Variants in SMYD2 observed in about 807,000 individuals in gnomAD.
SMYD2 encodes N-lysine methyltransferase SMYD2.
SMYD2 carries 53 observed loss-of-function variants against 59.1 expected under a neutral mutation model. The ratio of observed to expected loss-of-function variants is 0.90; its 90% CI spans 0.72 to 1.13. SMYD2 has a LOEUF of 1.13. SMYD2 is among the 50% of genes most tolerant of loss of function. The probability of loss-of-function intolerance (pLI) is 0.00; values close to 1 mark genes in which losing one functional copy is unlikely to be tolerated. For synonymous variants in SMYD2, 208 were observed against 198.8 expected, an observed-to-expected ratio of 1.05 and a Z score of -0.39; for missense variants, 494 against 544.7, an observed-to-expected ratio of 0.91 and a Z score of 0.93.
Position 214,318,792 on chromosome 1 carries a change from C to CA in SMYD2, c.410-62dup. ...TTCCTTTCCTCTGTATCATTTACAG[C>CA]AAAAATAGGATGTAGCTAGAAATCC... On this transcript the variant is annotated intron_variant, in intron 4 of 11. Coordinates refer to ENST00000366957, the MANE Select transcript of SMYD2 (RefSeq NM_020197.3). This position sits in a 1 kb window ranked among gnomAD's most constrained non-coding sequence, Gnocchi z 5.4. 6.4e-7 allele frequency: 1 copy of CA among 1,564,734 alleles called. No individual in the cohort carries two copies. The highest frequency in any genetic ancestry group is 8.7e-7 in the Non-Finnish European group (1 of 1,153,162).
chr1:214,319,798 A>C (rs1278735233), intron 5 of SMYD2, among the ~76,000 whole-genome samples: 1 of 152,198 alleles, frequency 6.6e-6, no homozygotes, highest in Non-Finnish European at 1.5e-5. Flanking sequence ...TGACCTTCCC[A>C]GGTAGAGAAA....
At chr1:214,336,577 C>A in intron 11 of SMYD2, 127 bp from the exon 12 acceptor site, 2 of 665,984 alleles carry the variant, frequency 3.0e-6, no homozygotes, top group South Asian at 2.1e-5. Context: ...TGGTGGAGAA[C>A]ATAGGCTCTA....
intron 1 of SMYD2, among the ~76,000 whole-genome samples, chr1:214,289,812 T>A (rs749267453): frequency 5.3e-5 from 8 of 152,232 alleles, no homozygotes; most frequent in Non-Finnish European, 1.2e-4. Flanking sequence ...TTCCTCCTGA[T>A]GAGTGGCCTG....
In SMYD2 at chr1:214,305,276, G is replaced by A. The variant is rs1656898747; in HGVS notation, c.237+26G>A. On this transcript the variant is annotated intron_variant, in intron 2 of 11. Transcript: ENST00000366957. Reference sequence around the variant, plus strand: ...GTAGGTGCTGGGCCATTGGCAGGGAGGGCCTAATTTCCTCTGAAGTCCTCC... The same window carrying A: ...GTAGGTGCTGGGCCATTGGCAGGGAAGGCCTAATTTCCTCTGAAGTCCTCC... 8.7e-6 allele frequency: 14 copies of A among 1,608,922 alleles called. No individual in the cohort carries two copies. The African/African-American group carries it at 1.3e-4, about 15-fold the overall frequency.
chr1:214,324,444 A>G (rs1657229059), intron 5 of SMYD2, among the ~76,000 whole-genome samples, 197 bp from the exon 6 acceptor site: 1 of 138,594 alleles, frequency 7.2e-6, no homozygotes, highest in African/African-American at 2.6e-5. Context: ...GATGCATCAC[A>G]ATTCTGCTTG....
At chr1:214,288,306 C>T (rs1458961284) in intron 1 of SMYD2, among the ~76,000 whole-genome samples, 1 of 152,208 alleles carries the variant, frequency 6.6e-6, no homozygotes, top group Non-Finnish European at 1.5e-5. Flanking sequence ...TTCCATTTTA[C>T]ATAGAAAGAA....
At chr1:214,299,465 T>TATATATATA (rs1553254476) in intron 1 of SMYD2, among the ~76,000 whole-genome samples, 2 of 71,590 alleles carry the variant, frequency 2.8e-5, no homozygotes, top group Non-Finnish European at 5.9e-5. Flanking sequence ...AAAGAAAACA[T>TATATATATA]TATATATATA....
At chr1:214,331,717 A>T in intron 9 of SMYD2, 1 of 273,478 alleles carries the variant, frequency 3.7e-6, no homozygotes. Flanking sequence ...CAGGGTTCCA[A>T]CTTGGGTGAG....
rs780319511 is a variant in SMYD2 at position 214,334,308 on chromosome 1, G to A, written c.1221G>A (p.Lys407=). Residue 407 remains lysine (K), a splice_region_variant and synonymous_variant, in exon 11 of 12, where the codon AAG becomes AAA. Coordinates refer to ENST00000366957, the MANE Select transcript of SMYD2 (RefSeq NM_020197.3). ...CCGCAGGGGAGAAAGCCCTGAAGAA[G>A]GTATGTCTGTAACTCGGCCTTAGGA... ...HKAAGEKALK[K]AIAIMEVAHG... is the part of the protein sequence containing the mutation. 1 of 1,612,970 alleles carries A rather than the reference G, an allele frequency of 6.2e-7. No homozygotes were observed. The highest frequency in any genetic ancestry group is 8.5e-7 in the Non-Finnish European group (1 of 1,179,894).
intron 1 of SMYD2, among the ~76,000 whole-genome samples, chr1:214,289,197 T>G (rs1245466822): frequency 6.6e-6 from 1 of 152,132 alleles, no homozygotes; most frequent in Non-Finnish European, 1.5e-5. Flanking sequence ...TCAGAATTGG[T>G]GAGAATTCAG....
chr1:214,336,183 T>C (rs1014462370), intron 11 of SMYD2, among the ~76,000 whole-genome samples: 3 of 152,086 alleles, frequency 2.0e-5, no homozygotes, highest in African/African-American at 7.2e-5. Flanking sequence ...GCAGAATGTT[T>C]TACCTAGCAG....
At chr1:214,334,386 C>A in intron 11 of SMYD2, 78 bp downstream of exon 11, 2 of 1,295,006 alleles carry the variant, frequency 1.5e-6, no homozygotes, top group Non-Finnish European at 2.2e-6. Flanking sequence ...CCTCACCAGG[C>A]TGAATGGCTG....
chr1:214,287,353 G>A (rs12746638), intron 1 of SMYD2, among the ~76,000 whole-genome samples: 2 of 151,700 alleles, frequency 1.3e-5, no homozygotes, highest in Admixed American at 6.6e-5. Context: ...TTGGGAAGCC[G>A]AGGCGGGCGG....
chr1:214,283,280 C>T (rs962041617), intron 1 of SMYD2, among the ~76,000 whole-genome samples: 1 of 152,298 alleles, frequency 6.6e-6, no homozygotes, highest in Admixed American at 6.5e-5. Context: ...AGTTTGCTGC[C>T]TCTTTTGTTG....
intron 1 of SMYD2, among the ~76,000 whole-genome samples, chr1:214,285,220 C>T (rs184303079): frequency 5.3e-5 from 8 of 152,286 alleles, no homozygotes; most frequent in Admixed American, 2.6e-4. Flanking sequence ...CAGATTTATT[C>T]TCTAGCGTAT....
intron 1 of SMYD2, among the ~76,000 whole-genome samples, chr1:214,282,071 G>T (rs1252060825): frequency 6.6e-6 from 1 of 152,198 alleles, no homozygotes; most frequent in African/African-American, 2.4e-5. Context: ...AAACATGGTC[G>T]CAGGAAGGGA....
chr1:214,306,365 CTCATCTGACTG>C (rs1205893610), intron 2 of SMYD2, among the ~76,000 whole-genome samples: 4 of 152,156 alleles, frequency 2.6e-5, no homozygotes, highest in Admixed American at 6.5e-5. Context: ...GCCCTGGTGT[CTCATCTGACTG>C]TAGCGCCCCA....
At chr1:214,316,607 A>T (rs1657089628) in intron 3 of SMYD2, among the ~76,000 whole-genome samples, 1 of 152,308 alleles carries the variant, frequency 6.6e-6, no homozygotes, top group South Asian at 2.1e-4. Context: ...GATGGAAATG[A>T]TTAGCATGTA....
chr1:214,290,976 G>A (rs1656627697), intron 1 of SMYD2, among the ~76,000 whole-genome samples: 1 of 152,120 alleles, frequency 6.6e-6, no homozygotes, highest in Non-Finnish European at 1.5e-5. Flanking sequence ...GTGAATCCAT[G>A]GTACAGTGAC....
Sources: allele counts gnomAD v4.1 joint callset (sites outside exome capture counted in the v4.1 genomes callset), GRCh38; gene constraint gnomAD v4.1.1; non-coding constraint Gnocchi (gnomAD v3.1); transcripts MANE v1.5; gene names NCBI Gene and HGNC (gene_info 2026-07-23, HGNC 2026-07-21).